AVEN: variants seen among roughly 807,000 people sequenced by gnomAD.
AVEN encodes cell death regulator Aven.
A neutral mutation model predicts 38.1 loss-of-function variants in AVEN; 41 were observed. The observed-to-expected ratio is 1.08, with a 90% CI of 0.84 to 1.40. AVEN has a LOEUF of 1.40. Ranked by LOEUF, AVEN falls within the 40% of genes most tolerant of loss-of-function variation. The pLI, the probability that AVEN is intolerant of heterozygous loss-of-function variation, is 0.00. For synonymous variants in AVEN, 206 were observed against 171.8 expected (o/e 1.20, Z -1.56); for missense variants, 605 against 438.8 (o/e 1.38, Z -3.38).
intron 2 of AVEN, among the ~76,000 whole-genome samples, chr15:33,949,185 G>A (rs1317044605): frequency 4.0e-5 from 6 of 151,826 alleles, no homozygotes; most frequent in Admixed American, 2.0e-4. Flanking sequence ...CACCACGCCC[G>A]GCTAATTTTT....
At chr15:33,893,744 G>T (rs1485879114) in intron 2 of AVEN, among the ~76,000 whole-genome samples, 1 of 152,092 alleles carries the variant, frequency 6.6e-6, no homozygotes, top group Admixed American at 6.5e-5. Flanking sequence ...AGCAGAAAGG[G>T]GTGTGCACTC....
At chr15:33,997,773 G>A (rs1365356736) in intron 2 of AVEN, among the ~76,000 whole-genome samples, 1 of 151,488 alleles carries the variant, frequency 6.6e-6, no homozygotes, top group Admixed American at 6.6e-5. Context: ...TCATTTCATT[G>A]CATTTGCTCT....
At chr15:33,853,227 G>T in the AVEN span, 5 of 904,808 alleles carry the variant, frequency 5.5e-6, no homozygotes, top group East Asian at 1.1e-4. Context: ...CACAGAAGGG[G>T]TTGGATATGA....
At chr15:33,857,309 G>T (rs536378144), downstream of AVEN, among the ~76,000 whole-genome samples, 2 of 152,186 alleles carry the variant, frequency 1.3e-5, no homozygotes, top group South Asian at 4.2e-4. Flanking sequence ...CCCTCTCGCT[G>T]CCGCTTCCCC....
At chr15:33,961,546 G>A (rs193151850) in intron 2 of AVEN, among the ~76,000 whole-genome samples, 1,689 of 151,786 alleles carry the variant, frequency 0.011, 21 homozygotes, top group Admixed American at 0.035. Context: ...GGGTGAGGTG[G>A]CTCATGCCTG....
rs117012633 is a variant in AVEN at position 33,875,492 on chromosome 15, T to G, written c.516+433A>C. On this transcript the variant is annotated intron_variant, in intron 3 of 5. Transcript: ENST00000306730. ...TATTTGCCCTTATTTTATACTTCTA[T>G]TCTCCTAATTGTAGGAGAAGTGTTA... Among the ~76,000 whole-genome samples, 55 of 152,320 alleles carry G rather than the reference T, an allele frequency of 3.6e-4. No individual in the cohort carries two copies. The East Asian group carries it at 8.7e-3, about 24-fold the overall frequency.
intron 1 of AVEN, among the ~76,000 whole-genome samples, chr15:34,022,164 C>T (rs888997839): frequency 2.0e-5 from 3 of 152,338 alleles, no homozygotes; most frequent in South Asian, 2.1e-4. Flanking sequence ...GAACTGCTTT[C>T]TATTGCTCCT....
intron 5 of AVEN, among the ~76,000 whole-genome samples, chr15:34,052,081 T>C (rs76942467): frequency 0.026 from 3,938 of 152,248 alleles, 174 homozygotes; most frequent in African/African-American, 0.088. Context: ...TGATGAACAC[T>C]GATGCAAAAA....
chr15:33,864,098 C>T (rs1889533369), downstream of AVEN: 1 of 1,511,534 alleles, frequency 6.6e-7, no homozygotes, highest in Non-Finnish European at 9.1e-7. Context: ...GAACTTGGGT[C>T]TTGACCAGAG....
intron 11 of AVEN, among the ~76,000 whole-genome samples, chr15:33,859,336 C>G (rs1014815678): frequency 6.6e-6 from 1 of 152,208 alleles, no homozygotes; most frequent in Admixed American, 6.5e-5. Context: ...TTTAATGGGC[C>G]TAAAAATACC....
chr15:33,924,921 A>G (rs1893557609), intron 2 of AVEN, among the ~76,000 whole-genome samples: 1 of 152,206 alleles, frequency 6.6e-6, no homozygotes, highest in African/African-American at 2.4e-5. Context: ...ATTTTAAAAT[A>G]TGAATTATGT....
intron 1 of AVEN, among the ~76,000 whole-genome samples, chr15:34,037,686 C>G (rs77373323): frequency 0.01 from 1,577 of 151,778 alleles, 39 homozygotes; most frequent in African/African-American, 0.036. Flanking sequence ...GTTTTTATAT[C>G]TCATTCAAGT....
downstream of AVEN, chr15:33,856,198 C>A (rs576620100): frequency 4.6e-5 from 7 of 152,312 alleles, no homozygotes; most frequent in Middle Eastern, 3.4e-3. Context: ...AGTTCTTTCT[C>A]TTTTTTTTCC....
chr15:33,891,947 T>C (rs1305542875), intron 2 of AVEN, among the ~76,000 whole-genome samples: 1 of 152,258 alleles, frequency 6.6e-6, no homozygotes, highest in Non-Finnish European at 1.5e-5. Context: ...TGGTATCTCA[T>C]TGTGGTTTTG....
chr15:33,876,088 G>C, intron 2 of AVEN, 93 bp from the exon 3 acceptor site: 2 of 1,181,154 alleles, frequency 1.7e-6, no homozygotes, highest in South Asian at 2.7e-5. Context: ...TGCCATTTCT[G>C]AAGTGCTCAA....
At chr15:33,922,441 T>A (rs201079910) in intron 2 of AVEN, among the ~76,000 whole-genome samples, 1 of 151,668 alleles carries the variant, frequency 6.6e-6, no homozygotes, top group African/African-American at 2.4e-5. Flanking sequence ...ACACTTTTTT[T>A]TCTCTTATTT....
intron 2 of AVEN, among the ~76,000 whole-genome samples, chr15:33,921,635 T>G (rs1893397934): frequency 6.6e-6 from 1 of 152,170 alleles, no homozygotes; most frequent in Admixed American, 6.5e-5. Context: ...TAAACTACAT[T>G]CCACAGAGTG....
chr15:33,909,314 T>C (rs149464906), intron 2 of AVEN, among the ~76,000 whole-genome samples: 168 of 152,080 alleles, frequency 1.1e-3, no homozygotes, highest in African/African-American at 3.6e-3. Flanking sequence ...AAAAGTAAAA[T>C]GTGCAGGGAG....
chr15:33,917,708 T>G (rs1346177224), intron 2 of AVEN, among the ~76,000 whole-genome samples: 3 of 152,128 alleles, frequency 2.0e-5, no homozygotes, highest in Non-Finnish European at 4.4e-5. Flanking sequence ...AATTGGAGAT[T>G]ACTATTCTAA....
Sources: gnomAD v4.1 joint callset for allele counts (sites outside exome capture counted in the v4.1 genomes callset) on GRCh38, gnomAD v4.1.1 for gene constraint, MANE v1.5 for transcripts, NCBI Gene and HGNC (gene_info 2026-07-23, HGNC 2026-07-21) for gene names.